The following CACNA1C variants were observed in gnomAD, a reference collection of about 807,000 sequenced individuals.
CACNA1C encodes the protein voltage-dependent L-type calcium channel subunit alpha-1C.
A neutral mutation model predicts 229.0 loss-of-function variants in CACNA1C; 30 were observed. The ratio of observed to expected loss-of-function variants is 0.13; its 90% CI spans 0.10 to 0.18. The LOEUF is 0.18. Ranked by LOEUF, CACNA1C falls within the 10% of genes least tolerant of loss-of-function variation. The pLI is 1.00. For synonymous variants in CACNA1C, 1,114 were observed against 1,132.5 expected (o/e 0.98, Z 0.33); for missense variants, 1,658 against 2,845.0 (o/e 0.58, Z 9.49).
intron 3 of CACNA1C, among the ~76,000 whole-genome samples, chr12:2,232,359 A>G (rs993012052): frequency 6.7e-6 from 1 of 149,896 alleles, no homozygotes; most frequent in African/African-American, 2.5e-5. Context: ...TTTACTCATG[A>G]TTAGATGGAG....
At chr12:2,043,642 C>CTTTTTT (rs67625680) in intron 1 of CACNA1C, among the ~76,000 whole-genome samples, 7 of 91,380 alleles carry the variant, frequency 7.7e-5, no homozygotes, top group Non-Finnish European at 1.0e-4. Flanking sequence ...ACAGAATATT[C>CTTTTTT]TTTTTTTTTT....
At chr12:2,325,154 T>C (rs557018834) in intron 3 of CACNA1C, among the ~76,000 whole-genome samples, 81 of 152,168 alleles carry the variant, frequency 5.3e-4, no homozygotes, top group African/African-American at 1.9e-3. Context: ...CTGGCTCCCA[T>C]CTCCTATGCT....
At chr12:2,539,206 G>C (rs12320775) in intron 9 of CACNA1C, among the ~76,000 whole-genome samples, 1 of 120,760 alleles carries the variant, frequency 8.3e-6, no homozygotes, top group African/African-American at 3.4e-5. Context: ...TAGGTGACTT[G>C]AGGAGGGCTT....
intron 3 of CACNA1C, among the ~76,000 whole-genome samples, chr12:2,409,050 C>CT (rs1288603523): frequency 6.6e-6 from 1 of 152,184 alleles, no homozygotes; most frequent in Non-Finnish European, 1.5e-5. Flanking sequence ...TATGCTGATC[C>CT]TTGTCTTCTT....
At chr12:2,497,608 C>A (rs1214405196) in intron 7 of CACNA1C, among the ~76,000 whole-genome samples, 1 of 152,194 alleles carries the variant, frequency 6.6e-6, no homozygotes, top group East Asian at 1.9e-4. Context: ...CCCGCGTTAT[C>A]CTGGGTTCAT....
rs2095038380 is a variant in CACNA1C at position 2,438,677 on chromosome 12, A to G, written c.478-10299A>G. ...CTGTGACAGACCTTGAACCATGCTA[A>G]GGAGGCTAGATCCCATTTAAGGGCA... On this transcript the variant is annotated intron_variant, in intron 3 of 46. Transcript: ENST00000399655. Among the ~76,000 whole-genome samples, 3 of 152,056 alleles carry G rather than the reference A, an allele frequency of 2.0e-5. No individual in the cohort carries two copies. The South Asian group carries it at 6.2e-4, about 31-fold the overall frequency.
chr12:2,611,144 G>T (rs1299105776), intron 28 of CACNA1C, among the ~76,000 whole-genome samples: 1 of 134,020 alleles, frequency 7.5e-6, no homozygotes, highest in Non-Finnish European at 1.6e-5. Flanking sequence ...AGCTGGATGC[G>T]TTCGTTTTTG....
intron 1 of CACNA1C, among the ~76,000 whole-genome samples, chr12:2,013,349 A>C (rs996934230): frequency 3.3e-5 from 5 of 152,336 alleles, no homozygotes; most frequent in Non-Finnish European, 7.3e-5. Flanking sequence ...TGAGAATAGC[A>C]AGATTTATAT....
At chr12:2,559,947 A>G (rs964667545) in intron 11 of CACNA1C, among the ~76,000 whole-genome samples, 2 of 152,370 alleles carry the variant, frequency 1.3e-5, no homozygotes, top group African/African-American at 4.8e-5. Context: ...AAACATTACT[A>G]TTTCAATATG....
chr12:2,404,206 G>A (rs866707258), intron 3 of CACNA1C, among the ~76,000 whole-genome samples: 43 of 152,310 alleles, frequency 2.8e-4, no homozygotes, highest in East Asian at 5.8e-4. Flanking sequence ...AACTCGAGCC[G>A]TGTCCTTAGC....
intron 18 of CACNA1C, among the ~76,000 whole-genome samples, chr12:2,592,816 A>G (rs1170027954): frequency 1.3e-5 from 2 of 151,396 alleles, no homozygotes; most frequent in South Asian, 4.2e-4. Flanking sequence ...CAACTCAGCC[A>G]TACCCTTTCC....
chr12:2,297,632 G>A (rs574973662), intron 3 of CACNA1C, among the ~76,000 whole-genome samples: 35 of 152,314 alleles, frequency 2.3e-4, no homozygotes, highest in African/African-American at 8.2e-4. Context: ...TTTTACAAGT[G>A]ATACTGTGAC....
chr12:2,394,866 A>G lies in CACNA1C; in HGVS notation c.478-54110A>G, dbSNP rs905667530. ...TCCCATCTCTAACTTGGCCAGATGTACCATAAGCTGTATCTGCAAAGCCAG... is the reference window on the plus strand; with the variant it reads ...TCCCATCTCTAACTTGGCCAGATGTGCCATAAGCTGTATCTGCAAAGCCAG... On this transcript the variant is annotated intron_variant, in intron 3 of 46. Coordinates refer to ENST00000399655, the MANE Select transcript of CACNA1C (RefSeq NM_000719.7). Among the ~76,000 whole-genome samples the G allele has an allele frequency of 5.3e-5, 8 of 152,222 alleles. No individual in the cohort carries two copies. In the South Asian group the frequency reaches 1.2e-3, roughly 24 times the overall value.
chr12:2,429,874 G>A (rs564228868), intron 3 of CACNA1C, among the ~76,000 whole-genome samples: 5 of 152,330 alleles, frequency 3.3e-5, no homozygotes, highest in African/African-American at 1.2e-4. Context: ...GTGGTGAGGA[G>A]TAGGAGAGGA....
intron 38 of CACNA1C, among the ~76,000 whole-genome samples, chr12:2,670,789 G>A (rs904376622): frequency 6.6e-6 from 1 of 151,802 alleles, no homozygotes; most frequent in African/African-American, 2.4e-5. Flanking sequence ...AACCTGGGAG[G>A]CAGAGGTTGC....
At position 2,653,041 on chromosome 12, in the gene CACNA1C, G is replaced by C. The variant is rs150830229; in HGVS notation, c.4075-794G>C. Among the ~76,000 whole-genome samples the C allele has an allele frequency of 6.6e-6, 1 of 152,238 alleles. No homozygotes were observed. Among genetic ancestry groups the C allele is most frequent in the Non-Finnish European group, 1.5e-5 (1 of 68,046 alleles). ...GGTGGCCACGGCTGAAGCGGCGCCC[G>C]GGAACACGGGCTGGGCCTCCCATCC... On this transcript the variant is annotated intron_variant, in intron 32 of 46. Transcript: ENST00000399655. This position sits in a 1 kb window ranked among gnomAD's most constrained non-coding sequence, Gnocchi z 4.7.
intron 1 of CACNA1C, among the ~76,000 whole-genome samples, chr12:2,024,938 CT>C (rs1418899647): frequency 6.6e-6 from 1 of 152,226 alleles, no homozygotes; most frequent in African/African-American, 2.4e-5. Flanking sequence ...TCTGGGTCTT[CT>C]CTGACTATCC....
At chr12:2,569,354 A>G (rs2053086273) in intron 13 of CACNA1C, among the ~76,000 whole-genome samples, 1 of 152,212 alleles carries the variant, frequency 6.6e-6, no homozygotes, top group South Asian at 2.1e-4. Flanking sequence ...TACAATGTGT[A>G]ACTTAATTGT....
chr12:2,313,545 C>T (rs2095540628), intron 3 of CACNA1C, among the ~76,000 whole-genome samples: 1 of 152,200 alleles, frequency 6.6e-6, no homozygotes, highest in Non-Finnish European at 1.5e-5. Context: ...TTCCTATAAT[C>T]AGTGAGGATA....
Sources: gnomAD v4.1 joint callset for allele counts (sites outside exome capture counted in the v4.1 genomes callset) on GRCh38, gnomAD v4.1.1 for gene constraint, Gnocchi (gnomAD v3.1) non-coding constraint, MANE v1.5 for transcripts, NCBI Gene and HGNC (gene_info 2026-07-23, HGNC 2026-07-21) for gene names.